The following CACNA2D3 variants were observed in gnomAD, a reference collection of about 807,000 sequenced individuals.
CACNA2D3 encodes the protein calcium voltage-gated channel auxiliary subunit alpha2delta 3.
In CACNA2D3, 60 loss-of-function variants were observed where a neutral mutation model predicts 160.6. The observed-to-expected ratio is 0.37, with a 90% CI of 0.30 to 0.46. The LOEUF (loss-of-function observed/expected upper bound fraction) is 0.46. CACNA2D3 is among the 20% of genes least tolerant of loss of function. CACNA2D3 has a pLI of 1.00. For synonymous variants in CACNA2D3, 558 were observed against 492.9 expected (o/e 1.13, Z -1.75); for missense variants, 1,205 against 1,365.0 (o/e 0.88, Z 1.85).
At chr3:54,273,271 T>C (rs1342859493) in intron 2 of CACNA2D3, 1 of 152,374 alleles carries the variant, frequency 6.6e-6, no homozygotes, top group Non-Finnish European at 1.5e-5. Context: ...TTCGTCTCGT[T>C]ACTCTTGGCT....
intron 11 of CACNA2D3, among the ~76,000 whole-genome samples, chr3:54,741,916 G>T (rs1339900779): frequency 2.6e-5 from 4 of 151,280 alleles, no homozygotes; most frequent in African/African-American, 9.7e-5. Context: ...CAAGGTCTCT[G>T]TCACCAGGCT....
At chr3:54,572,402 A>C (rs980845903) in intron 8 of CACNA2D3, among the ~76,000 whole-genome samples, 2 of 152,212 alleles carry the variant, frequency 1.3e-5, no homozygotes, top group Non-Finnish European at 2.9e-5. Context: ...ACTGTGTGCA[A>C]GTCAGTTGCT....
intron 5 of CACNA2D3, among the ~76,000 whole-genome samples, chr3:54,551,964 G>C (rs1248234913): frequency 6.6e-6 from 1 of 152,276 alleles, no homozygotes; most frequent in South Asian, 2.1e-4. Flanking sequence ...TATCAAAAGA[G>C]GTGTTTTAAA....
At chr3:54,137,636 C>G (rs1201009733) in intron 2 of CACNA2D3, among the ~76,000 whole-genome samples, 1 of 152,206 alleles carries the variant, frequency 6.6e-6, no homozygotes, top group East Asian at 1.9e-4. Flanking sequence ...CCGTTACAAC[C>G]TCACATGTGA....
chr3:54,185,924 T>A (rs2107328917), intron 2 of CACNA2D3, among the ~76,000 whole-genome samples: 1 of 152,274 alleles, frequency 6.6e-6, no homozygotes, highest in African/African-American at 2.4e-5. Flanking sequence ...CCTCCCTAAC[T>A]TGCCTTAAGC....
chr3:54,936,024 G>A (rs182919736), intron 27 of CACNA2D3, among the ~76,000 whole-genome samples: 11 of 152,156 alleles, frequency 7.2e-5, no homozygotes, highest in Non-Finnish European at 1.2e-4. Context: ...CAAAAATACC[G>A]CCTCCAACAT....
intron 4 of CACNA2D3, among the ~76,000 whole-genome samples, chr3:54,468,598 A>T (rs1700671752): frequency 6.6e-6 from 1 of 152,092 alleles, no homozygotes; most frequent in African/African-American, 2.4e-5. Context: ...CCCTCTGGAA[A>T]GTGGGCTGAA....
At chr3:54,871,676 C>G in intron 18 of CACNA2D3, 54 bp downstream of exon 18, 1 of 1,386,254 alleles carries the variant, frequency 7.2e-7, no homozygotes, top group Non-Finnish European at 1.0e-6. Flanking sequence ...GTACCCACTT[C>G]TGTACCTGGG....
intron 11 of CACNA2D3, among the ~76,000 whole-genome samples, chr3:54,744,961 T>C (rs1346644943): frequency 1.3e-5 from 2 of 152,254 alleles, no homozygotes; most frequent in African/African-American, 4.8e-5. Flanking sequence ...AAGTGTAGCA[T>C]TGAACCCACC....
At chr3:54,859,822 A>T (rs1392975819) in intron 17 of CACNA2D3, among the ~76,000 whole-genome samples, 1 of 152,058 alleles carries the variant, frequency 6.6e-6, no homozygotes, top group Non-Finnish European at 1.5e-5. Context: ...AGTCAAGGGG[A>T]CATTTACTGC....
At chr3:54,675,989 T>C (rs1700236815) in intron 11 of CACNA2D3, among the ~76,000 whole-genome samples, 1 of 152,224 alleles carries the variant, frequency 6.6e-6, no homozygotes, top group African/African-American at 2.4e-5. Context: ...CCCTTTGATA[T>C]TCTGCAGAAA....
chr3:54,746,256 A>T (rs1237908035), intron 11 of CACNA2D3, among the ~76,000 whole-genome samples: 1 of 152,256 alleles, frequency 6.6e-6, no homozygotes, highest in Non-Finnish European at 1.5e-5. Context: ...GATTTTATTC[A>T]GAAATGCTTC....
intron 11 of CACNA2D3, among the ~76,000 whole-genome samples, chr3:54,714,465 C>A (rs903388972): frequency 6.6e-6 from 1 of 152,110 alleles, no homozygotes; most frequent in Non-Finnish European, 1.5e-5. Flanking sequence ...CCTGTAGCCA[C>A]TCTCAGGATT....
At chr3:54,212,623 G>T (rs1371056513) in intron 2 of CACNA2D3, among the ~76,000 whole-genome samples, 1 of 152,154 alleles carries the variant, frequency 6.6e-6, no homozygotes, top group African/African-American at 2.4e-5. Context: ...AGGGAGGAGG[G>T]TATAATGAGG....
intron 27 of CACNA2D3, chr3:54,925,033 G>A: frequency 6.2e-7 from 1 of 1,613,970 alleles, no homozygotes; most frequent in East Asian, 2.2e-5. Flanking sequence ...GCAGGAAGAT[G>A]GTGTATCTGA....
chr3:54,262,861 T>C (rs1265167795), intron 2 of CACNA2D3, among the ~76,000 whole-genome samples: 2 of 152,216 alleles, frequency 1.3e-5, no homozygotes, highest in African/African-American at 2.4e-5. Flanking sequence ...CCTTTTTGTT[T>C]TTATGTTTGG....
intron 11 of CACNA2D3, among the ~76,000 whole-genome samples, chr3:54,750,619 G>C (rs1302497176): frequency 6.6e-6 from 1 of 152,154 alleles, no homozygotes; most frequent in Admixed American, 6.5e-5. Flanking sequence ...TTGATGAAAT[G>C]AAGCAAAACA....
rs187258665 is a variant in CACNA2D3, at chr3:54,727,872, T to C, written c.1168-24727T>C. ...TGTATAGCTATGTAACAAAACTGCA[T>C]GTTCTGCACATGTACCCCAGAACTT... On this transcript the variant is annotated intron_variant, in intron 11 of 37. Transcript: ENST00000474759. 1.2e-4 allele frequency among the ~76,000 whole-genome samples: 18 copies of C among 152,260 alleles called. No individual in the cohort carries two copies. In the East Asian group the frequency reaches 3.3e-3, roughly 28 times the overall value.
intron 11 of CACNA2D3, among the ~76,000 whole-genome samples, chr3:54,646,780 G>A (rs1265868482): frequency 6.6e-6 from 1 of 152,078 alleles, no homozygotes; most frequent in East Asian, 1.9e-4. Context: ...CCCAGTAATG[G>A]GATTGCTGGG....
Sources: gnomAD v4.1 joint callset for allele counts (sites outside exome capture counted in the v4.1 genomes callset) on GRCh38, gnomAD v4.1.1 for gene constraint, MANE v1.5 for transcripts, NCBI Gene and HGNC (gene_info 2026-07-23, HGNC 2026-07-21) for gene names.